Variants in SUPT3H observed in about 807,000 individuals in gnomAD.
The protein encoded by SUPT3H is transcription initiation protein SPT3 homolog.
SUPT3H carries 44 observed loss-of-function variants against 44.3 expected under a neutral mutation model. That is an observed-to-expected ratio of 0.99 (90% confidence interval 0.78 to 1.28). SUPT3H has a LOEUF of 1.28. SUPT3H is among the 50% of genes most tolerant of loss of function. SUPT3H has a pLI of 0.00. For synonymous variants in SUPT3H, 124 were observed against 125.6 expected (o/e 0.99, Z 0.09); for missense variants, 380 against 387.1 (o/e 0.98, Z 0.15).
At chr6:45,111,300 T>A (rs1291579439) in intron 2 of SUPT3H, among the ~76,000 whole-genome samples, 1 of 152,124 alleles carries the variant, frequency 6.6e-6, no homozygotes, top group Non-Finnish European at 1.5e-5. Flanking sequence ...CAAAGTGCTA[T>A]GATTATAGGC....
intron 2 of SUPT3H, among the ~76,000 whole-genome samples, chr6:45,315,271 C>CA (rs377199151): frequency 3.7e-4 from 55 of 150,008 alleles, no homozygotes; most frequent in East Asian, 5.9e-4. Context: ...GCAATAAAAA[C>CA]AAAAAAAAAT....
chr6:44,987,143 AGGTTCTTCCTGTTC>A (rs943291395), intron 6 of SUPT3H, among the ~76,000 whole-genome samples: 2 of 152,072 alleles, frequency 1.3e-5, no homozygotes, highest in Admixed American at 1.3e-4. Context: ...AGATCTCTAG[AGGTTCTTCCTGTTC>A]TTACAAAACA....
intron 6 of SUPT3H, among the ~76,000 whole-genome samples, chr6:44,967,877 C>A (rs1220287254): frequency 2.0e-5 from 3 of 152,116 alleles, no homozygotes; most frequent in Non-Finnish European, 4.4e-5. Context: ...TCAGCCTCAA[C>A]CTCCCCAGTT....
At chr6:45,356,438 C>T (rs1793201838) in intron 2 of SUPT3H, among the ~76,000 whole-genome samples, 1 of 151,918 alleles carries the variant, frequency 6.6e-6, no homozygotes, top group South Asian at 2.1e-4. Context: ...CACTCTGTCA[C>T]CCAGGCTGGA....
intron 2 of SUPT3H, among the ~76,000 whole-genome samples, chr6:45,173,354 T>C (rs897674575): frequency 6.6e-6 from 1 of 152,226 alleles, no homozygotes; most frequent in Non-Finnish European, 1.5e-5. Context: ...GCTCATTTTA[T>C]TAATAAAAGC....
At chr6:44,884,858 T>G (rs202093167) in intron 10 of SUPT3H, among the ~76,000 whole-genome samples, 1 of 152,132 alleles carries the variant, frequency 6.6e-6, no homozygotes, top group Non-Finnish European at 1.5e-5. Context: ...TTCCCTTTCC[T>G]AGTCAAAGAA....
Position 44,953,294 on chromosome 6 carries a change from T to G in SUPT3H, c.801+16A>C. On this transcript the variant is annotated intron_variant, in intron 9 of 10. Transcript: ENST00000371459. The stretch of plus-strand genomic sequence containing the variant: ...AAATTCACAAATGTTTTAAGACAGA[T>G]TTTTTTTGTACTTACCTCAGCAGAG... 6.3e-7 allele frequency: 1 copy of G among 1,580,176 alleles called. No individual in the cohort carries two copies. The highest frequency in any genetic ancestry group is 1.1e-5 in the South Asian group (1 of 89,306).
At chr6:44,922,385 T>G (rs757029871) in intron 10 of SUPT3H, among the ~76,000 whole-genome samples, 5 of 152,232 alleles carry the variant, frequency 3.3e-5, no homozygotes, top group Non-Finnish European at 7.3e-5. Flanking sequence ...TATTATGTTC[T>G]GGGATTAACT....
intron 2 of SUPT3H, among the ~76,000 whole-genome samples, chr6:45,230,660 G>GCCTATATATATATATA (rs765270979): frequency 0.044 from 2,232 of 50,582 alleles, 148 homozygotes; most frequent in East Asian, 0.082. Context: ...AATTCATTCA[G>GCCTATATATATATATA]TCTATATATA....
chr6:45,358,828 A>C (rs1198149944), intron 2 of SUPT3H, among the ~76,000 whole-genome samples: 1 of 152,168 alleles, frequency 6.6e-6, no homozygotes, highest in East Asian at 1.9e-4. Flanking sequence ...CACTCTAAAA[A>C]TAAAAAAAGA....
intron 6 of SUPT3H, among the ~76,000 whole-genome samples, chr6:44,997,121 CTCT>C (rs1781374477): frequency 6.6e-6 from 1 of 151,750 alleles, no homozygotes; most frequent in Non-Finnish European, 1.5e-5. Context: ...CAATCTCCTA[CTCT>C]TCTTTAATGA....
rs144315248 is a variant in SUPT3H, at chr6:45,249,351, C to A, written c.101+115850G>T. ...CTAACTTAAGAAGGAAATAGTATAT[C>A]TAGTCAAATGACATTTAACTCTTCT... On this transcript the variant is annotated intron_variant, in intron 2 of 10. Coordinates refer to ENST00000371459, the MANE Select transcript of SUPT3H (RefSeq NM_003599.4). Among the ~76,000 whole-genome samples, 167 of 151,910 alleles carry A rather than the reference C, an allele frequency of 1.1e-3. 2 individuals carry two copies. In the Middle Eastern group the frequency reaches 0.02, roughly 19 times the overall value.
At chr6:45,173,790 T>C (rs1002669083) in intron 2 of SUPT3H, among the ~76,000 whole-genome samples, 4 of 152,224 alleles carry the variant, frequency 2.6e-5, no homozygotes, top group African/African-American at 9.6e-5. Flanking sequence ...CTTTAAGTCA[T>C]GCCAATAGCA....
rs532068753 is a variant in SUPT3H at position 45,112,412 on chromosome 6, A to G, written c.102-6406T>C. Among the ~76,000 whole-genome samples, 99 of 152,278 alleles carry G rather than the reference A, an allele frequency of 6.5e-4. 1 individual carries two copies. The highest frequency in any genetic ancestry group is 3.5e-3 in the South Asian group (17 of 4,824). ...ATGTCATTGTTCCTTAAATTTAAAA[A>G]AAAAGGTGGGGGGTGTTGAACATAT... On this transcript the variant is annotated intron_variant, in intron 2 of 10. Coordinates refer to ENST00000371459, the MANE Select transcript of SUPT3H (RefSeq NM_003599.4).
chr6:45,102,976 A>G (rs1326705952), intron 3 of SUPT3H, among the ~76,000 whole-genome samples: 1 of 152,096 alleles, frequency 6.6e-6, no homozygotes, highest in African/African-American at 2.4e-5. Flanking sequence ...TCAAAGAATT[A>G]CAGGAAAAAA....
At chr6:45,174,904 A>G (rs1811439107) in intron 2 of SUPT3H, among the ~76,000 whole-genome samples, 1 of 151,488 alleles carries the variant, frequency 6.6e-6, no homozygotes, top group Non-Finnish European at 1.5e-5. Context: ...TAAACCAGGC[A>G]TGGTAAATCA....
At chr6:44,925,886 A>T (rs1381573979) in intron 10 of SUPT3H, among the ~76,000 whole-genome samples, 1 of 152,188 alleles carries the variant, frequency 6.6e-6, no homozygotes. Context: ...TAGGTTGTGA[A>T]AAAAATATTC....
chr6:44,870,499 T>A (rs1163593891), intron 10 of SUPT3H, among the ~76,000 whole-genome samples: 1 of 149,388 alleles, frequency 6.7e-6, no homozygotes, highest in Admixed American at 6.7e-5. Flanking sequence ...CTTGGGAGGC[T>A]GAGGTGAGAT....
chr6:44,811,287 A>C (rs942712573), intron 11 of SUPT3H, among the ~76,000 whole-genome samples: 2 of 152,194 alleles, frequency 1.3e-5, no homozygotes, highest in African/African-American at 4.8e-5. Flanking sequence ...CAAGATTAGA[A>C]GGGGTTATGG....
Sources: allele counts gnomAD v4.1 joint callset (sites outside exome capture counted in the v4.1 genomes callset), GRCh38; gene constraint gnomAD v4.1.1; transcripts MANE v1.5; gene names NCBI Gene and HGNC (gene_info 2026-07-23, HGNC 2026-07-21).